Variants in PPP1R9A observed in about 807,000 individuals in gnomAD.
PPP1R9A encodes the protein neurabin-1.
A neutral mutation model predicts 141.9 loss-of-function variants in PPP1R9A; 59 were observed. The observed-to-expected ratio is 0.42, with a 90% CI of 0.34 to 0.52. The LOEUF (loss-of-function observed/expected upper bound fraction) is 0.52, where lower values mean the gene tolerates loss of function less well. Ranked by LOEUF, PPP1R9A falls within the 20% of genes least tolerant of loss-of-function variation. PPP1R9A has a pLI of 0.10. For missense variants in PPP1R9A, 1,444 were observed against 1,611.9 expected (o/e 0.90, Z 1.78); for synonymous variants, 500 against 569.7 (o/e 0.88, Z 1.74).
In PPP1R9A at chr7:95,275,014, T is replaced by C. The variant is rs977532907; in HGVS notation, c.3296+846T>C. On this transcript the variant is annotated intron_variant, in intron 16 of 19. Coordinates refer to ENST00000433360, the MANE Select transcript of PPP1R9A (RefSeq NM_001166160.2). ...CATGTAGGAGGTATTCAAAGAATAA[T>C]AAAGATAACAATTTGCTGCTATTGC... Among the ~76,000 whole-genome samples the C allele has an allele frequency of 3.3e-5, 5 of 152,214 alleles. No individual in the cohort carries two copies. In the South Asian group the frequency reaches 1.0e-3, roughly 32 times the overall value.
chr7:95,010,956 GT>G (rs1804334338), intron 2 of PPP1R9A, among the ~76,000 whole-genome samples: 1 of 152,100 alleles, frequency 6.6e-6, no homozygotes, highest in Admixed American at 6.6e-5. Flanking sequence ...TAGAAAGTAG[GT>G]AAAAATGATA....
At chr7:95,177,613 C>T (rs1227819123) in intron 5 of PPP1R9A, among the ~76,000 whole-genome samples, 1 of 152,116 alleles carries the variant, frequency 6.6e-6, no homozygotes, top group Non-Finnish European at 1.5e-5. Context: ...AATTCACCAA[C>T]CAACTATCTG....
intron 2 of PPP1R9A, chr7:95,035,963 A>G (rs1161422808): frequency 1.3e-5 from 2 of 152,196 alleles, no homozygotes; most frequent in East Asian, 1.9e-4. Context: ...AAAAGCTTCG[A>G]TTGTCTATCA....
chr7:95,264,502 A>G (rs535751832), intron 12 of PPP1R9A, among the ~76,000 whole-genome samples: 85 of 152,286 alleles, frequency 5.6e-4, no homozygotes, highest in African/African-American at 1.9e-3. Flanking sequence ...GTGTAATATG[A>G]TATATAGCAT....
At chr7:94,925,975 G>A (rs1019866619) in intron 2 of PPP1R9A, among the ~76,000 whole-genome samples, 1 of 151,908 alleles carries the variant, frequency 6.6e-6, no homozygotes, top group Non-Finnish European at 1.5e-5. Context: ...ACAGGCGTGC[G>A]CTGCCATGCC....
intron 2 of PPP1R9A, among the ~76,000 whole-genome samples, chr7:94,940,469 T>C (rs1164940535): frequency 2.0e-5 from 3 of 152,070 alleles, no homozygotes; most frequent in Non-Finnish European, 4.4e-5. Flanking sequence ...ATTCTTTCCC[T>C]TTCTTCACTA....
At chr7:95,209,558 C>T (rs577546881) in intron 7 of PPP1R9A, among the ~76,000 whole-genome samples, 1 of 152,316 alleles carries the variant, frequency 6.6e-6, no homozygotes, top group South Asian at 2.1e-4. Flanking sequence ...AACCACAAGT[C>T]AGCCATGTGA....
chr7:95,107,937 G>A (rs927048901), intron 2 of PPP1R9A, among the ~76,000 whole-genome samples: 1 of 151,974 alleles, frequency 6.6e-6, no homozygotes. Context: ...AGGGCTTTTT[G>A]TACTCATCAC....
chr7:95,249,691 T>C (rs911997988), intron 9 of PPP1R9A, among the ~76,000 whole-genome samples: 6 of 152,152 alleles, frequency 3.9e-5, no homozygotes, highest in Non-Finnish European at 7.4e-5. Flanking sequence ...TCTCAAAACA[T>C]GTTGACATTC....
At chr7:95,250,305 T>C (rs1218300870) in intron 10 of PPP1R9A, 50 bp downstream of exon 10, 1 of 1,467,630 alleles carries the variant, frequency 6.8e-7, no homozygotes, top group Non-Finnish European at 9.3e-7. Context: ...CTAAAGAAGG[T>C]TTATGTCCAA....
intron 2 of PPP1R9A, among the ~76,000 whole-genome samples, chr7:95,068,826 C>G (rs184778517): frequency 1.6e-4 from 24 of 152,252 alleles, no homozygotes; most frequent in African/African-American, 5.8e-4. Flanking sequence ...CAGGTACTTG[C>G]TTTTGTAACC....
At position 94,995,379 on chromosome 7, in the gene PPP1R9A, C is replaced by T. The variant is rs189543338; in HGVS notation, c.1395+83871C>T. 9.0e-3 allele frequency among the ~76,000 whole-genome samples: 1,370 copies of T among 151,896 alleles called. 18 individuals carry two copies. The highest frequency in any genetic ancestry group is 0.031 in the African/African-American group (1,268 of 41,466). Reference sequence around the variant, plus strand: ...ACTTGGAAAAATTTGGCCATTTTTTCCCCCCAATGTTTTCTTTCCCTTCTT... The same window carrying T: ...ACTTGGAAAAATTTGGCCATTTTTTTCCCCCAATGTTTTCTTTCCCTTCTT... On this transcript the variant is annotated intron_variant, in intron 2 of 19. Transcript: ENST00000433360.
chr7:95,064,602 C>A (rs1812703708), intron 2 of PPP1R9A, among the ~76,000 whole-genome samples: 1 of 152,180 alleles, frequency 6.6e-6, no homozygotes, highest in Non-Finnish European at 1.5e-5. Context: ...GGAACGTGCC[C>A]ATTGGGCAAC....
intron 8 of PPP1R9A, among the ~76,000 whole-genome samples, chr7:95,232,591 C>T (rs1414921638): frequency 1.3e-5 from 2 of 152,130 alleles, no homozygotes; most frequent in Non-Finnish European, 2.9e-5. Flanking sequence ...AGGCAACCTA[C>T]AGAATGGGAG....
At chr7:95,218,658 TG>T in intron 7 of PPP1R9A, among the ~76,000 whole-genome samples, 1 of 152,332 alleles carries the variant, frequency 6.6e-6, no homozygotes, top group Admixed American at 6.5e-5. Flanking sequence ...GCTCCTGTAT[TG>T]GGTGCATATA....
intron 2 of PPP1R9A, among the ~76,000 whole-genome samples, chr7:94,927,488 A>G (rs954018799): frequency 6.6e-6 from 1 of 152,210 alleles, no homozygotes; most frequent in African/African-American, 2.4e-5. Context: ...TATAATTACT[A>G]TATAGGCATT....
intron 2 of PPP1R9A, among the ~76,000 whole-genome samples, chr7:95,108,302 C>CT (rs1819885993): frequency 5.8e-5 from 4 of 68,748 alleles, no homozygotes; most frequent in Admixed American, 1.4e-4. Flanking sequence ...TTTTTCGTTT[C>CT]TTTTCTTTTT....
chr7:95,267,313 A>G (rs1228151820), intron 12 of PPP1R9A, among the ~76,000 whole-genome samples: 1 of 152,106 alleles, frequency 6.6e-6, no homozygotes, highest in African/African-American at 2.4e-5. Flanking sequence ...CAAGTACATA[A>G]TTTTCTGCAA....
At chr7:95,260,979 C>T (rs1800346257) in intron 12 of PPP1R9A, among the ~76,000 whole-genome samples, 1 of 152,036 alleles carries the variant, frequency 6.6e-6, no homozygotes, top group Non-Finnish European at 1.5e-5. Context: ...TGGTCTGGTT[C>T]ACCTGGTTCA....
Sources: gnomAD v4.1 joint callset for allele counts (sites outside exome capture counted in the v4.1 genomes callset) on GRCh38, gnomAD v4.1.1 for gene constraint, MANE v1.5 for transcripts, NCBI Gene and HGNC (gene_info 2026-07-23, HGNC 2026-07-21) for gene names.